The following DAPK2 variants were observed in gnomAD, a reference collection of about 807,000 sequenced individuals.
DAPK2 encodes death-associated protein kinase 2.
In DAPK2, 35 loss-of-function variants were observed where a neutral mutation model predicts 44.1. That is an observed-to-expected ratio of 0.79 (90% CI 0.61 to 1.05). The LOEUF is 1.05. DAPK2 is among the 50% of genes least tolerant of loss of function. The pLI is 0.00. For synonymous variants in DAPK2, 174 were observed against 182.6 expected (o/e 0.95, Z 0.38); for missense variants, 453 against 483.2 (o/e 0.94, Z 0.59).
rs2079448471 is a variant in DAPK2 at position 64,013,736 on chromosome 15, T to C, written c.92+26434A>G. Among the ~76,000 whole-genome samples, 1 of 152,204 alleles carries C rather than the reference T, an allele frequency of 6.6e-6. No individual in the cohort carries two copies. Among genetic ancestry groups the C allele is most frequent in the Admixed American group, 6.5e-5 (1 of 15,276 alleles). On this transcript the variant is annotated intron_variant, in intron 1 of 10. Transcript: ENST00000261891. This position sits in a 1 kb window ranked among gnomAD's most constrained non-coding sequence, Gnocchi z 4.7. ...GGCAGCGGTGACTGAGAAAGCAAGC[T>C]GGATTTGAGAAATTATTCATTCTGG...
At chr15:64,032,891 G>T (rs542838776) in intron 1 of DAPK2, among the ~76,000 whole-genome samples, 2 of 152,058 alleles carry the variant, frequency 1.3e-5, no homozygotes, top group African/African-American at 4.8e-5. Context: ...TTCAAGACCA[G>T]CCTGGCCAAC....
intron 1 of DAPK2, among the ~76,000 whole-genome samples, chr15:63,991,811 G>A (rs533695591): frequency 1.4e-4 from 22 of 152,270 alleles, no homozygotes; most frequent in African/African-American, 3.6e-4. Context: ...CAACCAAGCC[G>A]AACTCAGGGT....
At chr15:63,910,741 G>C (rs1200866840) in intron 10 of DAPK2, 2 of 152,136 alleles carry the variant, frequency 1.3e-5, no homozygotes, top group African/African-American at 4.8e-5. Flanking sequence ...TTGTTTTGTA[G>C]AGTCAGGGTC....
At chr15:63,967,006 C>T (rs568787314) in intron 3 of DAPK2, among the ~76,000 whole-genome samples, 15 of 151,714 alleles carry the variant, frequency 9.9e-5, no homozygotes, top group African/African-American at 2.7e-4. Flanking sequence ...GGTGAAACCC[C>T]GTCTCTACTA....
chr15:64,007,453 C>T (rs1383706846), intron 1 of DAPK2, among the ~76,000 whole-genome samples: 3 of 152,070 alleles, frequency 2.0e-5, no homozygotes, highest in African/African-American at 7.2e-5. Context: ...CAGAGCTCTC[C>T]ATCCTCCAAG....
At chr15:64,000,553 T>C (rs1332540109) in intron 1 of DAPK2, among the ~76,000 whole-genome samples, 1 of 152,216 alleles carries the variant, frequency 6.6e-6, no homozygotes, top group Non-Finnish European at 1.5e-5. Flanking sequence ...TCAGTAGCCA[T>C]GTATTCCTTA....
At chr15:63,927,933 G>A (rs2079356281) in intron 6 of DAPK2, among the ~76,000 whole-genome samples, 1 of 152,040 alleles carries the variant, frequency 6.6e-6, no homozygotes, top group Admixed American at 6.6e-5. Context: ...GTTTTTTGTA[G>A]AGATGGGGTT....
chr15:64,046,327 C>CCGCGGCAGG (rs1453071667), upstream of DAPK2: 7 of 952,172 alleles, frequency 7.4e-6, no homozygotes, highest in African/African-American at 4.3e-5. This position sits in a 1 kb window ranked among gnomAD's most constrained non-coding sequence, Gnocchi z 5.3. Flanking sequence ...GCGGTCGCGG[C>CCGCGGCAGG]CGCGGCAGGC....
intron 2 of DAPK2, among the ~76,000 whole-genome samples, chr15:63,975,574 A>G (rs937942721): frequency 4.0e-5 from 6 of 151,166 alleles, no homozygotes; most frequent in African/African-American, 1.2e-4. Flanking sequence ...ACTACAGCAT[A>G]CTGAGTATTG....
At chr15:63,930,697 G>A (rs1225634161) in intron 4 of DAPK2, among the ~76,000 whole-genome samples, 5 of 152,182 alleles carry the variant, frequency 3.3e-5, no homozygotes, top group Non-Finnish European at 5.9e-5. Flanking sequence ...GTATTAAGAA[G>A]TAGAGTCTTT....
upstream of DAPK2, among the ~76,000 whole-genome samples, chr15:64,041,607 G>C (rs2080355057): frequency 6.6e-6 from 1 of 152,144 alleles, no homozygotes; most frequent in Admixed American, 6.5e-5. Context: ...GCTCATTTTG[G>C]TTAGCACTGG....
At chr15:63,948,694 T>C (rs996175034) in intron 3 of DAPK2, among the ~76,000 whole-genome samples, 2 of 152,194 alleles carry the variant, frequency 1.3e-5, no homozygotes, top group African/African-American at 4.8e-5. Flanking sequence ...TCCTCCTGCG[T>C]TCCTCCACAC....
At chr15:63,996,687 C>T (rs2078956942) in intron 1 of DAPK2, among the ~76,000 whole-genome samples, 1 of 152,172 alleles carries the variant, frequency 6.6e-6, no homozygotes, top group South Asian at 2.1e-4. Flanking sequence ...TGGAGAAATA[C>T]AGTGGGCAGC....
At chr15:64,033,280 G>GTAA (rs2080074592) in intron 1 of DAPK2, among the ~76,000 whole-genome samples, 1 of 83,000 alleles carries the variant, frequency 1.2e-5, no homozygotes, top group African/African-American at 3.9e-5. Context: ...AGGGGGAAGG[G>GTAA]GGAAGGGGGA....
rs557918117 is a variant in DAPK2 at position 64,003,794 on chromosome 15, C to T, written c.93-20040G>A. On this transcript the variant is annotated intron_variant, in intron 1 of 10. Coordinates refer to ENST00000261891, the Ensembl canonical transcript of DAPK2. ...CTATTTTTTGTATTTTTAGTAGAGACGGGGTTTCACCACGTTGGTCAGGCT... is the reference window on the plus strand; with the variant it reads ...CTATTTTTTGTATTTTTAGTAGAGATGGGGTTTCACCACGTTGGTCAGGCT... 1.2e-4 allele frequency among the ~76,000 whole-genome samples: 18 copies of T among 152,220 alleles called. No individual in the cohort carries two copies. In the South Asian group the frequency reaches 2.7e-3, roughly 23 times the overall value.
intron 3 of DAPK2, among the ~76,000 whole-genome samples, chr15:63,968,778 C>T (rs1316260999): frequency 6.6e-6 from 1 of 152,206 alleles, no homozygotes; most frequent in African/African-American, 2.4e-5. Context: ...GTGCTCTCCC[C>T]ACCACAGCGA....
At chr15:63,936,920 C>T (rs1038825735) in intron 4 of DAPK2, among the ~76,000 whole-genome samples, 1 of 145,514 alleles carries the variant, frequency 6.9e-6, no homozygotes, top group Non-Finnish European at 1.5e-5. Context: ...ATTGAATCTG[C>T]AGTGAGGTAT....
intron 1 of DAPK2, among the ~76,000 whole-genome samples, chr15:64,000,218 C>T (rs1429512934): frequency 6.7e-6 from 1 of 149,918 alleles, no homozygotes; most frequent in African/African-American, 2.5e-5. Context: ...CACACACACA[C>T]AGCCCCTAGG....
intron 1 of DAPK2, among the ~76,000 whole-genome samples, chr15:64,005,363 G>A (rs991443721): frequency 3.3e-5 from 5 of 151,092 alleles, no homozygotes; most frequent in South Asian, 4.2e-4. Context: ...GGTTTGGTAA[G>A]TTCAGCCACC....
Sources: allele counts gnomAD v4.1 joint callset (sites outside exome capture counted in the v4.1 genomes callset), GRCh38; gene constraint gnomAD v4.1.1; non-coding constraint Gnocchi (gnomAD v3.1); transcripts MANE v1.5; gene names NCBI Gene and HGNC (gene_info 2026-07-23, HGNC 2026-07-21).